Variants in TEKT5 observed in about 807,000 individuals in gnomAD.
TEKT5 encodes the protein tektin-5.
In TEKT5, 52 loss-of-function variants were observed where a neutral mutation model predicts 48.7. The ratio of observed to expected loss-of-function variants is 1.07; its 90% CI spans 0.86 to 1.35. The LOEUF (loss-of-function observed/expected upper bound fraction) is 1.35, where lower values mean the gene tolerates loss of function less well. TEKT5 is among the 40% of genes most tolerant of loss of function. The probability of loss-of-function intolerance (pLI) is 0.00; values close to 1 mark genes in which losing one functional copy is unlikely to be tolerated. For synonymous variants in TEKT5, 318 were observed against 267.6 expected (o/e 1.19, Z -1.84); for missense variants, 831 against 641.6 (o/e 1.30, Z -3.19).
At position 10,665,965 on chromosome 16, in the gene TEKT5, G is replaced by T. The variant is rs145982528; in HGVS notation, c.1086+9994C>A. 1.9e-3 allele frequency among the ~76,000 whole-genome samples: 286 copies of T among 152,296 alleles called. 1 individual carries two copies. The highest frequency in any genetic ancestry group is 5.4e-3 in the African/African-American group (225 of 41,574). On this transcript the variant is annotated intron_variant, in intron 5 of 6. Transcript: ENST00000283025. ...GGAACGCAGTCTTCAACAGAACAGG[G>T]GCTGGGCGCGGTGGCTCAGGCCTGT... is the stretch of plus-strand genomic sequence containing the variant.
At chr16:10,628,850 G>A (rs888078891) in intron 6 of TEKT5, among the ~76,000 whole-genome samples, 1 of 147,208 alleles carries the variant, frequency 6.8e-6, no homozygotes, top group African/African-American at 2.6e-5. Flanking sequence ...AGGTTGCAGT[G>A]AGCTGAGATC....
At position 10,641,311 on chromosome 16, in the gene TEKT5, G is replaced by C. The variant is rs555008909; in HGVS notation, c.1087-5393C>G. 2.0e-5 allele frequency among the ~76,000 whole-genome samples: 3 copies of C among 152,230 alleles called. No homozygotes were observed. In the East Asian group the frequency reaches 5.8e-4, roughly 29 times the overall value. ...GGTGGGGCCTGAGGGGTGAGCATCA[G>C]AGATGATATTAACCGAAAGAGGCTC... On this transcript the variant is annotated intron_variant, in intron 5 of 6. Coordinates refer to ENST00000283025, the MANE Select transcript of TEKT5 (RefSeq NM_144674.2).
intron 5 of TEKT5, among the ~76,000 whole-genome samples, chr16:10,642,189 C>G (rs550523090): frequency 6.6e-6 from 1 of 152,310 alleles, no homozygotes; most frequent in South Asian, 2.1e-4. Flanking sequence ...ACCCTAGAGG[C>G]ACTAGCCCTC....
chr16:10,665,025 A>G (rs1225218623), intron 5 of TEKT5, among the ~76,000 whole-genome samples: 2 of 152,238 alleles, frequency 1.3e-5, no homozygotes, highest in African/African-American at 4.8e-5. Flanking sequence ...TGCTGGAGCC[A>G]GAAATGAGCC....
chr16:10,634,071 G>C (rs1000616309), intron 6 of TEKT5, among the ~76,000 whole-genome samples: 1 of 152,182 alleles, frequency 6.6e-6, no homozygotes, highest in African/African-American at 2.4e-5. Context: ...AGGGAGCAGG[G>C]TCCATCGCTG....
At position 10,694,529 on chromosome 16, in the gene TEKT5, C is replaced by G. The variant is rs1468736147; in HGVS notation, c.345G>C (p.Leu115=). The change falls in exon 1 of 7, where the codon CTG becomes CTC. Residue 115 remains leucine, a synonymous_variant. Coordinates refer to ENST00000283025, the MANE Select transcript of TEKT5 (RefSeq NM_144674.2). ...GCAAGAGCCTCATGGAGTCATCCGT[C>G]AGCCGGCTGGCCCACAGCCGGGAGG... is the stretch of plus-strand genomic sequence containing the variant. The part of the protein sequence containing the change: ...AEASRLWASR[L]TDDSMRLLQD... 6.2e-7 allele frequency: 1 copy of G among 1,608,192 alleles called. No homozygotes were observed. The highest frequency in any genetic ancestry group is 1.7e-5 in the Admixed American group (1 of 59,380).
At chr16:10,674,185 C>A (rs767008743) in intron 5 of TEKT5, among the ~76,000 whole-genome samples, 4 of 152,022 alleles carry the variant, frequency 2.6e-5, no homozygotes, top group Non-Finnish European at 5.9e-5. Flanking sequence ...GAATCCTCTT[C>A]CCACCAACTT....
At chr16:10,669,450 C>A (rs1018776541) in intron 5 of TEKT5, among the ~76,000 whole-genome samples, 4 of 152,012 alleles carry the variant, frequency 2.6e-5, no homozygotes, top group African/African-American at 9.7e-5. Flanking sequence ...CAAAGAGAGA[C>A]CCTGTCTCCA....
Position 10,691,072 on chromosome 16 carries a change from C to T in TEKT5, c.565-1047G>A, listed in dbSNP as rs138549014. On this transcript the variant is annotated intron_variant, in intron 1 of 6. Coordinates refer to ENST00000283025, the MANE Select transcript of TEKT5 (RefSeq NM_144674.2). ...AAACTCAGTCAGGCTGGGCACAGCGCCTCCTTCATGCCTTTAATCTCAACA... is the reference window on the plus strand; with the variant it reads ...AAACTCAGTCAGGCTGGGCACAGCGTCTCCTTCATGCCTTTAATCTCAACA... Among the ~76,000 whole-genome samples the T allele has an allele frequency of 6.6e-3, 1,003 of 152,302 alleles. 8 individuals carry two copies. Among genetic ancestry groups the T allele is most frequent in the Middle Eastern group, 0.024 (7 of 294 alleles).
chr16:10,651,502 AAAT>A (rs1898155166), intron 5 of TEKT5, among the ~76,000 whole-genome samples: 1 of 152,210 alleles, frequency 6.6e-6, no homozygotes, highest in Admixed American at 6.5e-5. Context: ...GGAGCATAGT[AAAT>A]AATAATGATG....
intron 5 of TEKT5, among the ~76,000 whole-genome samples, chr16:10,656,201 C>A (rs759897588): frequency 1.3e-5 from 2 of 152,152 alleles, no homozygotes; most frequent in African/African-American, 4.8e-5. Context: ...TTGCCAACTA[C>A]CCCCTAGAGG....
In TEKT5 at chr16:10,689,985, C is replaced by G; in HGVS notation, c.605G>C (p.Gly202Ala). Residue 202 changes from glycine (G) to alanine (A), a missense_variant, in exon 2 of 7, where the codon GGG (glycine) becomes GCG (alanine). Transcript: ENST00000283025. ...ECLYHREKRI[G>A]IDLVHDNVEK... ...CACGTTGTCATGGACCAAATCAATC[C>G]CAATCCTCTTCTCTCGATGGTACAG... 2.5e-5 allele frequency: 41 copies of G among 1,614,040 alleles called. No individual in the cohort carries two copies. The highest frequency in any genetic ancestry group is 3.5e-5 in the Non-Finnish European group (41 of 1,180,012).
intron 5 of TEKT5, among the ~76,000 whole-genome samples, chr16:10,658,244 G>A (rs1898296829): frequency 6.6e-6 from 1 of 152,150 alleles, no homozygotes; most frequent in Non-Finnish European, 1.5e-5. Flanking sequence ...CCCACTCTAT[G>A]AGCCAGGGAT....
At chr16:10,678,193 C>G (rs926921581) in intron 4 of TEKT5, among the ~76,000 whole-genome samples, 1 of 152,088 alleles carries the variant, frequency 6.6e-6, no homozygotes, top group African/African-American at 2.4e-5. Flanking sequence ...CTGTCTCCCA[C>G]GTTCAAGCAA....
At chr16:10,637,587 G>A (rs1897934521) in intron 5 of TEKT5, among the ~76,000 whole-genome samples, 1 of 152,216 alleles carries the variant, frequency 6.6e-6, no homozygotes, top group Non-Finnish European at 1.5e-5. Flanking sequence ...AGATCTCAGG[G>A]AGGGGCAGGC....
At chr16:10,637,519 G>C (rs2719677) in intron 5 of TEKT5, among the ~76,000 whole-genome samples, 3,796 of 152,240 alleles carry the variant, frequency 0.025, 121 homozygotes, top group African/African-American at 0.074. Flanking sequence ...CTTTTTATCT[G>C]TCAAGATATT....
chr16:10,688,366 G>C (rs1898901351), intron 3 of TEKT5, among the ~76,000 whole-genome samples: 1 of 152,228 alleles, frequency 6.6e-6, no homozygotes, highest in Non-Finnish European at 1.5e-5. Context: ...AGGGCTCCTA[G>C]AGGAGGAGGT....
intron 5 of TEKT5, among the ~76,000 whole-genome samples, chr16:10,636,875 G>A (rs1056556334): frequency 9.9e-5 from 15 of 151,342 alleles, no homozygotes; most frequent in African/African-American, 3.4e-4. Flanking sequence ...GGAGTGCAGT[G>A]CTGTGATCTG....
chr16:10,675,851 G>T, intron 5 of TEKT5, 108 bp downstream of exon 5: 1 of 1,108,298 alleles, frequency 9.0e-7, no homozygotes, highest in Non-Finnish European at 1.3e-6. Flanking sequence ...AGAGGGTACT[G>T]CTTTGGCACC....
Sources: allele counts gnomAD v4.1 joint callset (sites outside exome capture counted in the v4.1 genomes callset), GRCh38; gene constraint gnomAD v4.1.1; transcripts MANE v1.5; gene names NCBI Gene and HGNC (gene_info 2026-07-23, HGNC 2026-07-21).